PHLPP1: variants seen among roughly 807,000 people sequenced by gnomAD.
PHLPP1 encodes PH domain leucine-rich repeat-containing protein phosphatase 1.
In PHLPP1, 42 loss-of-function variants were observed where a neutral mutation model predicts 117.2. The ratio of observed to expected loss-of-function variants is 0.36; its 90% CI spans 0.28 to 0.46. The LOEUF is 0.46. Among genes scored for constraint, PHLPP1 ranks in the 20% least tolerant of loss-of-function variants. The pLI, the probability that PHLPP1 is intolerant of heterozygous loss-of-function variation, is 1.00. For missense variants in PHLPP1, 2,084 were observed against 2,241.9 expected (o/e 0.93, Z 1.42); for synonymous variants, 1,042 against 970.7 (o/e 1.07, Z -1.37).
At chr18:62,890,833 T>G (rs1451822070) in intron 4 of PHLPP1, among the ~76,000 whole-genome samples, 1 of 152,222 alleles carries the variant, frequency 6.6e-6, no homozygotes, top group Non-Finnish European at 1.5e-5. Context: ...TAGTGGATTT[T>G]TTTTCTTCCT....
intron 1 of PHLPP1, among the ~76,000 whole-genome samples, chr18:62,736,330 G>A (rs1237497697): frequency 1.3e-5 from 2 of 152,200 alleles, no homozygotes; most frequent in Non-Finnish European, 2.9e-5. Flanking sequence ...GTGGGAGTGG[G>A]AGAGAGTAGA....
chr18:62,784,816 C>T (rs182392346), intron 1 of PHLPP1, among the ~76,000 whole-genome samples: 276 of 152,222 alleles, frequency 1.8e-3, no homozygotes, highest in African/African-American at 6.5e-3. Context: ...TTGTGGTTTC[C>T]TTTTTGACGT....
chr18:62,855,259 T>C (rs770614949), intron 3 of PHLPP1, among the ~76,000 whole-genome samples: 1 of 152,206 alleles, frequency 6.6e-6, no homozygotes, highest in Non-Finnish European at 1.5e-5. Flanking sequence ...TGTGGTTTTT[T>C]GATTAATTTT....
chr18:62,854,693 C>CTTTTT (rs5825495), intron 3 of PHLPP1, among the ~76,000 whole-genome samples: 1 of 85,014 alleles, frequency 1.2e-5, no homozygotes, highest in Non-Finnish European at 2.5e-5. Context: ...GATCCTGCTA[C>CTTTTT]TTTTTTTTTT....
chr18:62,873,051 T>G (rs1410868956), intron 4 of PHLPP1, among the ~76,000 whole-genome samples: 1 of 151,898 alleles, frequency 6.6e-6, no homozygotes. Flanking sequence ...CTGCTGTTTT[T>G]CAAGTGCGTT....
At position 62,717,092 on chromosome 18, in the gene PHLPP1, C is replaced by A. The variant is rs765245209; in HGVS notation, c.1409C>A (p.Thr470Asn). ...EKAPPPPPPPTLYVQLHGETT... is the reference protein window; with the variant it reads ...EKAPPPPPPPNLYVQLHGETT... Reference sequence around the variant, plus strand: ...GCGCCTCCGCCGCCCCCGCCGCCCACCCTGTACGTGCAGCTCCACGGAGAG... The same window carrying A: ...GCGCCTCCGCCGCCCCCGCCGCCCAACCTGTACGTGCAGCTCCACGGAGAG... Residue 470 changes from threonine to asparagine, a missense_variant, in exon 1 of 17, where the codon ACC becomes AAC. Physicochemically the swap from Thr to Asn is moderately conservative, Grantham distance 65. Transcript: ENST00000262719. The A allele has an allele frequency of 4.5e-6, 7 of 1,554,898 alleles. No individual in the cohort carries two copies. Among genetic ancestry groups the A allele is most frequent in the Non-Finnish European group, 6.1e-6 (7 of 1,150,406 alleles).
At chr18:62,794,177 TATATATCTATCCCCCCCGAAAAAAGTG>T (rs1913552458) in intron 1 of PHLPP1, among the ~76,000 whole-genome samples, 1 of 152,160 alleles carries the variant, frequency 6.6e-6, no homozygotes, top group Admixed American at 6.6e-5. Flanking sequence ...CCTGCACACT[TATATATCTATCCCCCCCGAAAAAAGTG>T]ATAGATTTGA....
intron 7 of PHLPP1, among the ~76,000 whole-genome samples, chr18:62,903,742 C>T (rs1345421007): frequency 6.6e-6 from 1 of 150,612 alleles, no homozygotes; most frequent in African/African-American, 2.5e-5. Context: ...TGCACTCCAG[C>T]CTGGTTGACA....
intron 1 of PHLPP1, among the ~76,000 whole-genome samples, chr18:62,782,462 G>T (rs1470444400): frequency 6.6e-6 from 1 of 152,130 alleles, no homozygotes; most frequent in Non-Finnish European, 1.5e-5. Flanking sequence ...TACTGTGAAG[G>T]ATTCAATACT....
At chr18:62,721,429 G>GGTGTGTGT (rs71340107) in intron 1 of PHLPP1, among the ~76,000 whole-genome samples, 41 of 144,396 alleles carry the variant, frequency 2.8e-4, no homozygotes, top group African/African-American at 9.4e-4. Context: ...GAGGGGTGTG[G>GGTGTGTGT]GTGTGTGTGT....
In PHLPP1 at chr18:62,972,208, G is replaced by A. The variant is rs192397987; in HGVS notation, c.3561-306G>A. Among the ~76,000 whole-genome samples the A allele has an allele frequency of 3.4e-3, 517 of 151,564 alleles. 4 individuals are homozygous for A. Among genetic ancestry groups the A allele is most frequent in the Middle Eastern group, 0.024 (7 of 292 alleles). On this transcript the variant is annotated intron_variant, in intron 14 of 16. Coordinates refer to ENST00000262719, the MANE Select transcript of PHLPP1 (RefSeq NM_194449.4). ...GCTTATTGAATGTATGTGTAGATATGGATTCATAATCTTCTCTTATTTCCC... is the reference window on the plus strand; with the variant it reads ...GCTTATTGAATGTATGTGTAGATATAGATTCATAATCTTCTCTTATTTCCC...
chr18:62,784,801 A>G (rs1344285766), intron 1 of PHLPP1, among the ~76,000 whole-genome samples: 1 of 152,208 alleles, frequency 6.6e-6, no homozygotes, highest in Non-Finnish European at 1.5e-5. Flanking sequence ...TTTTGAATTC[A>G]GTAATTGTGG....
At chr18:62,749,186 G>T (rs1184459699) in intron 1 of PHLPP1, among the ~76,000 whole-genome samples, 2 of 149,902 alleles carry the variant, frequency 1.3e-5, no homozygotes, top group Non-Finnish European at 3.0e-5. Context: ...CACATGTTCA[G>T]ATTTACCCAA....
intron 10 of PHLPP1, among the ~76,000 whole-genome samples, chr18:62,927,686 A>G (rs1357981761): frequency 1.3e-5 from 2 of 152,150 alleles, no homozygotes; most frequent in African/African-American, 4.8e-5. Context: ...AAGATAAAGA[A>G]TTATTTGAAA....
chr18:62,821,906 A>G (rs1914469481), intron 1 of PHLPP1, among the ~76,000 whole-genome samples: 1 of 151,948 alleles, frequency 6.6e-6, no homozygotes, highest in Non-Finnish European at 1.5e-5. Flanking sequence ...TTACAGGCGC[A>G]TGCCACTATG....
At chr18:62,926,836 G>A (rs1909641220) in intron 10 of PHLPP1, among the ~76,000 whole-genome samples, 2 of 152,150 alleles carry the variant, frequency 1.3e-5, no homozygotes, top group Non-Finnish European at 2.9e-5. Flanking sequence ...TCTTAATTCA[G>A]TGAGAGGATA....
intron 1 of PHLPP1, among the ~76,000 whole-genome samples, chr18:62,756,129 A>C (rs1912009205): frequency 1.3e-5 from 2 of 152,044 alleles, no homozygotes; most frequent in South Asian, 4.1e-4. Context: ...GGCTTGAAAT[A>C]ATAAAGGTTT....
intron 12 of PHLPP1, among the ~76,000 whole-genome samples, chr18:62,953,947 G>A (rs1382108606): frequency 1.3e-5 from 2 of 152,194 alleles, no homozygotes; most frequent in Non-Finnish European, 2.9e-5. Flanking sequence ...CTATTTGGCA[G>A]ATGATATATA....
intron 1 of PHLPP1, among the ~76,000 whole-genome samples, chr18:62,801,317 A>C (rs1436850726): frequency 3.3e-5 from 5 of 151,450 alleles, no homozygotes; most frequent in Non-Finnish European, 7.4e-5. Flanking sequence ...TGCTGGGATT[A>C]CAGATGTGAG....
Sources: gnomAD v4.1 joint callset for allele counts (sites outside exome capture counted in the v4.1 genomes callset) on GRCh38, gnomAD v4.1.1 for gene constraint, MANE v1.5 for transcripts, NCBI Gene and HGNC (gene_info 2026-07-23, HGNC 2026-07-21) for gene names.